Variants in STK32B observed in about 807,000 individuals in gnomAD.
STK32B encodes serine/threonine kinase 32B.
A neutral mutation model predicts 52.6 loss-of-function variants in STK32B; 43 were observed. The ratio of observed to expected loss-of-function variants is 0.82; its 90% CI spans 0.64 to 1.05. The LOEUF is 1.05. Among genes scored for constraint, STK32B ranks in the 50% least tolerant of loss-of-function variants. STK32B has a pLI of 0.00. For missense variants in STK32B, 621 were observed against 534.6 expected, an observed-to-expected ratio of 1.16 and a Z score of -1.59; for synonymous variants, 238 against 204.3, an observed-to-expected ratio of 1.17 and a Z score of -1.41.
At position 5,474,785 on chromosome 4, in the gene STK32B, G is replaced by T. The variant is rs376495437; in HGVS notation, c.1106+6715G>T. Reference sequence around the variant, plus strand: ...ATTCTCCTTGAGATTGTATCCGTAGGTATTTTTATTCCCGTTTCACAGTCA... The same window carrying T: ...ATTCTCCTTGAGATTGTATCCGTAGTTATTTTTATTCCCGTTTCACAGTCA... On this transcript the variant is annotated intron_variant, in intron 11 of 11. Transcript: ENST00000282908. Among the ~76,000 whole-genome samples the T allele has an allele frequency of 6.6e-5, 10 of 152,266 alleles. 1 individual carries two copies. Among genetic ancestry groups the T allele is most frequent in the African/African-American group, 2.4e-4 (10 of 41,542 alleles).
chr4:5,129,492 T>G (rs1715616377), intron 1 of STK32B, among the ~76,000 whole-genome samples: 1 of 152,248 alleles, frequency 6.6e-6, no homozygotes, highest in African/African-American at 2.4e-5. Context: ...AAACTATGTA[T>G]TCTTATATCT....
At chr4:5,486,487 C>G (rs950550369) in intron 11 of STK32B, among the ~76,000 whole-genome samples, 3 of 152,204 alleles carry the variant, frequency 2.0e-5, no homozygotes, top group Non-Finnish European at 4.4e-5. Flanking sequence ...TCTGTCACCC[C>G]TTTCTTTGAC....
chr4:5,480,412 G>T (rs1718595124), intron 11 of STK32B, among the ~76,000 whole-genome samples: 1 of 152,126 alleles, frequency 6.6e-6, no homozygotes, highest in African/African-American at 2.4e-5. Flanking sequence ...GAAATACATT[G>T]GTTTGGTTCA....
At chr4:5,354,871 A>G (rs1478971396) in intron 4 of STK32B, among the ~76,000 whole-genome samples, 1 of 152,182 alleles carries the variant, frequency 6.6e-6, no homozygotes, top group Non-Finnish European at 1.5e-5. Flanking sequence ...AAATAAAGTG[A>G]AAGAGGGAGG....
At chr4:5,473,510 T>A (rs1478435776) in intron 11 of STK32B, among the ~76,000 whole-genome samples, 1 of 151,878 alleles carries the variant, frequency 6.6e-6, no homozygotes, top group Non-Finnish European at 1.5e-5. Flanking sequence ...AGGCCCAGAG[T>A]GGATTAAGGG....
intron 1 of STK32B, among the ~76,000 whole-genome samples, chr4:5,078,196 G>A (rs1054285891): frequency 6.6e-6 from 1 of 152,152 alleles, no homozygotes; most frequent in African/African-American, 2.4e-5. Flanking sequence ...ACTTCCCCTT[G>A]TAGCTCATTG....
chr4:5,058,619 G>A lies in STK32B; in HGVS notation c.52+6704G>A, dbSNP rs1002867375. On this transcript the variant is annotated intron_variant, in intron 1 of 11. Coordinates refer to ENST00000282908, the MANE Select transcript of STK32B (RefSeq NM_018401.3). The surrounding 1 kb of genome is among the most constrained non-coding windows in gnomAD (Gnocchi z 4.8). ...GTCTCTGGCGCCCAGCTGGAGTGCA[G>A]TGGTGTGATTGTGACTCACTGCAGC... Among the ~76,000 whole-genome samples, 4 of 152,110 alleles carry A rather than the reference G, an allele frequency of 2.6e-5. No homozygotes were observed. Among genetic ancestry groups the A allele is most frequent in the Non-Finnish European group, 4.4e-5 (3 of 68,014 alleles).
At position 5,139,872 on chromosome 4, in the gene STK32B, C is replaced by G. The variant is rs756970215; in HGVS notation, c.53-33C>G. On this transcript the variant is annotated intron_variant, in intron 1 of 11. Coordinates refer to ENST00000282908, the MANE Select transcript of STK32B (RefSeq NM_018401.3). Reference sequence around the variant, plus strand: ...AGGAGCAATACCAGGTTTAGCAAATCTGACTTGTTTCCTTTTTTGTTTTCT... The same window carrying G: ...AGGAGCAATACCAGGTTTAGCAAATGTGACTTGTTTCCTTTTTTGTTTTCT... 5.0e-6 allele frequency: 8 copies of G among 1,613,948 alleles called. No individual in the cohort carries two copies. The South Asian group carries it at 5.5e-5, about 11-fold the overall frequency.
chr4:5,103,762 G>A (rs1713952753), intron 1 of STK32B, among the ~76,000 whole-genome samples: 1 of 152,170 alleles, frequency 6.6e-6, no homozygotes. Context: ...TTACACAGAT[G>A]TAGTCCACAT....
At chr4:5,079,899 A>G (rs905636618) in intron 1 of STK32B, among the ~76,000 whole-genome samples, 1 of 152,128 alleles carries the variant, frequency 6.6e-6, no homozygotes, top group South Asian at 2.1e-4. Flanking sequence ...CTTATATGTG[A>G]TCTCTAAAAA....
intron 1 of STK32B, among the ~76,000 whole-genome samples, chr4:5,105,454 A>G (rs1306863245): frequency 6.6e-6 from 1 of 152,140 alleles, no homozygotes; most frequent in African/African-American, 2.4e-5. Context: ...TTTCTTGTTG[A>G]TGAACAGGAG....
In STK32B at chr4:5,418,826, GC is replaced by G. The variant is rs575176838; in HGVS notation, c.562+1894del. ...TTTCTTCCCTGACCGCATAAACAGTGCCTAAAACCGCCTGGAGGAGTTAGAG... is the reference window on the plus strand; with the variant it reads ...TTTCTTCCCTGACCGCATAAACAGTGCTAAAACCGCCTGGAGGAGTTAGAG... On this transcript the variant is annotated intron_variant, in intron 6 of 11. Coordinates refer to ENST00000282908, the MANE Select transcript of STK32B (RefSeq NM_018401.3). 1.5e-3 allele frequency among the ~76,000 whole-genome samples: 235 copies of G among 152,330 alleles called. 1 individual carries two copies. The highest frequency in any genetic ancestry group is 3.4e-3 in the Middle Eastern group (1 of 294).
chr4:5,385,082 G>T (rs1349009133), intron 4 of STK32B, among the ~76,000 whole-genome samples: 1 of 152,286 alleles, frequency 6.6e-6, no homozygotes, highest in Non-Finnish European at 1.5e-5. Context: ...AAGGAAGGAA[G>T]AGACGGGTGA....
intron 5 of STK32B, among the ~76,000 whole-genome samples, chr4:5,413,898 A>G (rs1386841989): frequency 6.6e-6 from 1 of 152,250 alleles, no homozygotes; most frequent in Non-Finnish European, 1.5e-5. Flanking sequence ...TATTCTGTTT[A>G]TAGTGCCATC....
intron 3 of STK32B, among the ~76,000 whole-genome samples, chr4:5,271,138 A>C (rs1727402397): frequency 6.6e-6 from 1 of 152,266 alleles, no homozygotes; most frequent in South Asian, 2.1e-4. Flanking sequence ...GGGTTTCACC[A>C]TGTTGGCCAA....
At position 5,380,664 on chromosome 4, in the gene STK32B, C is replaced by T. The variant is rs1283269259; in HGVS notation, c.435-17543C>T. ...ACAAGGCCCCACATGAAGGAGGGTC[C>T]GTGTTTGATTTAATGCCCGGTACTT... On this transcript the variant is annotated intron_variant, in intron 4 of 11. Transcript: ENST00000282908. This position sits in a 1 kb window ranked among gnomAD's most constrained non-coding sequence, Gnocchi z 4.3. Among the ~76,000 whole-genome samples, 3 of 152,290 alleles carry T rather than the reference C, an allele frequency of 2.0e-5. No homozygotes were observed. The highest frequency in any genetic ancestry group is 4.8e-5 in the African/African-American group (2 of 41,558).
chr4:5,442,310 T>A (rs1714861603), intron 6 of STK32B, among the ~76,000 whole-genome samples: 1 of 152,094 alleles, frequency 6.6e-6, no homozygotes, highest in African/African-American at 2.4e-5. Flanking sequence ...CATATATATT[T>A]AGAATAGTTA....
chr4:5,143,043 G>C (rs1197559077), intron 2 of STK32B, among the ~76,000 whole-genome samples: 1 of 152,150 alleles, frequency 6.6e-6, no homozygotes, highest in African/African-American at 2.4e-5. Context: ...AGTCAGATTT[G>C]CAAGCCCCTA....
intron 6 of STK32B, among the ~76,000 whole-genome samples, chr4:5,443,133 T>G (rs1257273668): frequency 6.6e-6 from 1 of 151,134 alleles, no homozygotes; most frequent in East Asian, 2.0e-4. Context: ...CTGTATTTCC[T>G]GAATCTGAAC....
Sources: allele counts gnomAD v4.1 joint callset (sites outside exome capture counted in the v4.1 genomes callset), GRCh38; gene constraint gnomAD v4.1.1; non-coding constraint Gnocchi (gnomAD v3.1); transcripts MANE v1.5; gene names NCBI Gene and HGNC (gene_info 2026-07-23, HGNC 2026-07-21).